MACROD1: variants seen among roughly 807,000 people sequenced by gnomAD.
The protein encoded by MACROD1 is ADP-ribose glycohydrolase MACROD1.
In MACROD1, 31 loss-of-function variants were observed where a neutral mutation model predicts 41.4. The observed-to-expected ratio is 0.75, with a 90% CI of 0.56 to 1.01. The LOEUF (loss-of-function observed/expected upper bound fraction) is 1.01, where lower values mean the gene tolerates loss of function less well. Among genes scored for constraint, MACROD1 ranks in the 50% least tolerant of loss-of-function variants. The pLI, the probability that MACROD1 is intolerant of heterozygous loss-of-function variation, is 0.00. For synonymous variants in MACROD1, 252 were observed against 203.4 expected (o/e 1.24, Z -2.03); for missense variants, 473 against 460.0 (o/e 1.03, Z -0.26).
At chr11:64,135,383 C>T (rs1328971001) in intron 3 of MACROD1, among the ~76,000 whole-genome samples, 3 of 152,240 alleles carry the variant, frequency 2.0e-5, no homozygotes, top group African/African-American at 4.8e-5. Flanking sequence ...CGGCCAGGGC[C>T]GCTCAGCTCT....
At position 64,066,123 on chromosome 11, in the gene MACROD1, C is replaced by G. The variant is rs551598678; in HGVS notation, c.518-50842G>C. Among the ~76,000 whole-genome samples the G allele has an allele frequency of 4.0e-5, 6 of 151,752 alleles. No homozygotes were observed. In the East Asian group the frequency reaches 1.2e-3, roughly 30 times the overall value. On this transcript the variant is annotated intron_variant, in intron 3 of 10. Transcript: ENST00000255681. ...AGCAGCTTGGCCAACATGGTGAAAC[C>G]CTGTCTCTACTAAAAATACAAGAAT...
At chr11:64,106,124 G>C (rs1944758740) in intron 3 of MACROD1, among the ~76,000 whole-genome samples, 1 of 152,174 alleles carries the variant, frequency 6.6e-6, no homozygotes. Flanking sequence ...GGGTCAGAGA[G>C]GTCCCGCTGG....
chr11:64,113,303 G>C (rs1392316136), intron 3 of MACROD1, among the ~76,000 whole-genome samples: 2 of 152,244 alleles, frequency 1.3e-5, no homozygotes, highest in Non-Finnish European at 2.9e-5. Context: ...GGAATCCCAA[G>C]TGGCTACAAC....
intron 3 of MACROD1, among the ~76,000 whole-genome samples, chr11:64,080,248 A>G (rs1469195937): frequency 6.6e-6 from 1 of 152,158 alleles, no homozygotes; most frequent in Non-Finnish European, 1.5e-5. Context: ...CCTGACCTCA[A>G]GTGATCTGCC....
At chr11:64,026,457 CCCCATGCA>C (rs2134356998) in intron 3 of MACROD1, among the ~76,000 whole-genome samples, 1 of 152,308 alleles carries the variant, frequency 6.6e-6, no homozygotes, top group Admixed American at 6.5e-5. Flanking sequence ...TCTTTACACG[CCCCATGCA>C]CACATGCACC....
At chr11:64,118,161 G>A (rs1333997662) in intron 3 of MACROD1, 18 of 1,613,616 alleles carry the variant, frequency 1.1e-5, no homozygotes, top group East Asian at 1.1e-4. Flanking sequence ...CGCCAAAGAA[G>A]AGTACGTGGT....
intron 3 of MACROD1, among the ~76,000 whole-genome samples, chr11:64,094,668 G>C (rs1164925146): frequency 6.6e-6 from 1 of 152,214 alleles, no homozygotes; most frequent in Non-Finnish European, 1.5e-5. Flanking sequence ...GCTGCTGCGG[G>C]CGGGACCATT....
intron 1 of MACROD1, among the ~76,000 whole-genome samples, chr11:64,159,451 C>T (rs1022712633): frequency 6.6e-6 from 1 of 151,808 alleles, no homozygotes; most frequent in Non-Finnish European, 1.5e-5. Context: ...AGCCAAGATA[C>T]CACCACTGCA....
intron 3 of MACROD1, chr11:64,117,680 G>T (rs143933813): frequency 6.6e-5 from 106 of 1,613,552 alleles, no homozygotes; most frequent in South Asian, 1.6e-4. Context: ...GGCTGCGCCT[G>T]GGCCACAGCC....
chr11:64,039,597 C>T (rs748484572), intron 3 of MACROD1, among the ~76,000 whole-genome samples: 118 of 152,166 alleles, frequency 7.8e-4, no homozygotes, highest in Non-Finnish European at 1.3e-3. Context: ...GACAGCACCC[C>T]TGTTTTGCCC....
chr11:64,112,852 C>A (rs1165431459), intron 3 of MACROD1, among the ~76,000 whole-genome samples: 1 of 152,218 alleles, frequency 6.6e-6, no homozygotes, highest in Admixed American at 6.5e-5. Context: ...GTGGTGGCTG[C>A]CTGGGCAGAG....
chr11:64,135,564 G>C (rs534564695), intron 3 of MACROD1, among the ~76,000 whole-genome samples: 1 of 152,148 alleles, frequency 6.6e-6, no homozygotes, highest in Non-Finnish European at 1.5e-5. Flanking sequence ...GGACAAACAC[G>C]CAGGCCATAA....
chr11:64,043,472 A>G (rs562750), intron 3 of MACROD1, among the ~76,000 whole-genome samples: 45,252 of 151,952 alleles, frequency 0.3, 7,597 homozygotes, highest in African/African-American at 0.45. Context: ...GGGCAAGTTG[A>G]GGTGTGGGTG....
At chr11:64,017,559 C>T (rs1476643062) in intron 3 of MACROD1, among the ~76,000 whole-genome samples, 1 of 152,146 alleles carries the variant, frequency 6.6e-6, no homozygotes, top group Non-Finnish European at 1.5e-5. Flanking sequence ...TGGGGCTTGC[C>T]TTCTCGAAAC....
intron 3 of MACROD1, among the ~76,000 whole-genome samples, chr11:64,059,983 G>A (rs1003553246): frequency 6.6e-6 from 1 of 152,210 alleles, no homozygotes; most frequent in African/African-American, 2.4e-5. Context: ...GGTACTGAGG[G>A]CCGGGAAGGG....
intron 3 of MACROD1, among the ~76,000 whole-genome samples, chr11:64,145,473 T>C (rs887104259): frequency 1.3e-5 from 2 of 152,138 alleles, no homozygotes; most frequent in Non-Finnish European, 2.9e-5. Flanking sequence ...GGCCCAGGGC[T>C]GGACAGGCCT....
At chr11:64,045,906 G>T (rs1174379481) in intron 3 of MACROD1, among the ~76,000 whole-genome samples, 3 of 152,168 alleles carry the variant, frequency 2.0e-5, no homozygotes, top group Non-Finnish European at 4.4e-5. Flanking sequence ...GGGCAACATA[G>T]CGAGACCCCA....
chr11:64,124,079 G>A (rs1270918176), intron 3 of MACROD1, among the ~76,000 whole-genome samples: 1 of 152,216 alleles, frequency 6.6e-6, no homozygotes, highest in Non-Finnish European at 1.5e-5. Flanking sequence ...GGGCAGTCCT[G>A]AAGCCAGACC....
intron 3 of MACROD1, among the ~76,000 whole-genome samples, chr11:64,045,960 A>T (rs1004980933): frequency 1.3e-5 from 2 of 152,190 alleles, no homozygotes; most frequent in Non-Finnish European, 2.9e-5. Flanking sequence ...AACATGACTG[A>T]GCACTCACTG....
Sources: gnomAD v4.1 joint callset for allele counts (sites outside exome capture counted in the v4.1 genomes callset) on GRCh38, gnomAD v4.1.1 for gene constraint, MANE v1.5 for transcripts, NCBI Gene and HGNC (gene_info 2026-07-23, HGNC 2026-07-21) for gene names.